The following XPO4 variants were observed in gnomAD, a reference collection of about 807,000 sequenced individuals.
The protein encoded by XPO4 is exportin 4.
A neutral mutation model predicts 143.0 loss-of-function variants in XPO4; 39 were observed. That is an observed-to-expected ratio of 0.27 (90% CI 0.21 to 0.36). The LOEUF (loss-of-function observed/expected upper bound fraction) is 0.36, where lower values mean the gene tolerates loss of function less well. XPO4 is among the 10% of genes least tolerant of loss of function. The pLI is 1.00. For missense variants in XPO4, 907 were observed against 1,348.0 expected (o/e 0.67, Z 5.12); for synonymous variants, 439 against 474.0 (o/e 0.93, Z 0.96).
chr13:20,783,562 C>G lies in XPO4; in HGVS notation c.*160G>C, dbSNP rs1026914578. ...ACAGCAGAAGCTGATGCCAAGTTGA[C>G]CTCTCCTGTTTCACTGTATTACATA... On this transcript the variant is annotated 3_prime_UTR_variant, in exon 23 of 23. Transcript: ENST00000255305. 1.9e-5 allele frequency: 13 copies of G among 671,070 alleles called. No individual in the cohort carries two copies. Among genetic ancestry groups the G allele is most frequent in the Admixed American group, 5.4e-5 (2 of 36,718 alleles). 41.6% of individuals were successfully genotyped at this position (671,070 alleles called of 1,614,324 possible). A position where few individuals can be genotyped will look rare whatever the true frequency, so the allele number is the denominator to read the frequency against.
At chr13:20,838,528 T>C (rs1016342761) in intron 6 of XPO4, among the ~76,000 whole-genome samples, 11 of 145,376 alleles carry the variant, frequency 7.6e-5, no homozygotes. Flanking sequence ...GAGAATGGCG[T>C]GAACCTGGGA....
chr13:20,850,091 G>A (rs2138083036), intron 4 of XPO4: 1 of 981,768 alleles, frequency 1.0e-6, no homozygotes, highest in East Asian at 1.1e-4. Flanking sequence ...GGGCGACAGA[G>A]CAAGACTCTG....
Position 20,787,565 on chromosome 13 carries a change from C to T in XPO4, c.3081G>A (p.Glu1027=), listed in dbSNP as rs1487396352. The T allele has an allele frequency of 1.9e-6, 3 of 1,614,216 alleles. No homozygotes were observed. Among genetic ancestry groups the T allele is most frequent in the Non-Finnish European group, 2.5e-6 (3 of 1,180,036 alleles). ...ACTGTTCAGCTAACGGTGTCAAGGC[C>T]TCCAGGCAAAGCTGGCAAACCTCCG... ...MSSEVCQLCL[E]ALTPLAEQCA... is the part of the protein sequence containing the mutation. The change falls in exon 21 of 23, where the codon GAG becomes GAA. Residue 1027 remains glutamate (E), a synonymous_variant. Coordinates refer to ENST00000255305, the MANE Select transcript of XPO4 (RefSeq NM_022459.5).
intron 4 of XPO4, chr13:20,852,625 TATA>T: frequency 8.4e-6 from 8 of 954,496 alleles, no homozygotes; most frequent in Non-Finnish European, 1.0e-5. Context: ...TATATTTGAT[TATA>T]ATATTTTATA....
chr13:20,811,680 C>A (rs749071176), intron 9 of XPO4, among the ~76,000 whole-genome samples: 1 of 152,148 alleles, frequency 6.6e-6, no homozygotes, highest in Non-Finnish European at 1.5e-5. Context: ...AGCAGCCAAA[C>A]TGGGTACAGA....
chr13:20,784,407 G>A (rs1048247630), intron 22 of XPO4, among the ~76,000 whole-genome samples: 1 of 152,220 alleles, frequency 6.6e-6, no homozygotes, highest in Non-Finnish European at 1.5e-5. Flanking sequence ...GAGTCTTTTG[G>A]GAGGACGGGG....
intron 17 of XPO4, among the ~76,000 whole-genome samples, 154 bp from the exon 18 acceptor site, chr13:20,796,410 T>C (rs1358908613): frequency 3.9e-5 from 6 of 152,106 alleles, no homozygotes; most frequent in African/African-American, 1.4e-4. Flanking sequence ...AGAAAGCATA[T>C]ATTAAGAGTA....
At chr13:20,814,091 T>A (rs2059617760) in intron 9 of XPO4, among the ~76,000 whole-genome samples, 1 of 151,772 alleles carries the variant, frequency 6.6e-6, no homozygotes, top group African/African-American at 2.4e-5. Flanking sequence ...TTTACAGCCA[T>A]CATTTGTTAA....
chr13:20,824,002 G>A (rs576861644), intron 7 of XPO4, among the ~76,000 whole-genome samples: 9 of 152,148 alleles, frequency 5.9e-5, no homozygotes, highest in African/African-American at 1.9e-4. Context: ...ACACCGCCGT[G>A]CTTATTTATG....
At chr13:20,852,784 G>A (rs1364564544) in intron 4 of XPO4, 1 of 984,928 alleles carries the variant, frequency 1.0e-6, no homozygotes, top group Non-Finnish European at 1.2e-6. Flanking sequence ...GCTTGACTGA[G>A]AGCCTTTTCA....
chr13:20,848,443 A>G (rs1330721983), intron 4 of XPO4: 3 of 985,264 alleles, frequency 3.0e-6, no homozygotes, highest in African/African-American at 1.7e-5. Flanking sequence ...TAATTTGCAT[A>G]ATTGTCCTAA....
intron 1 of XPO4, among the ~76,000 whole-genome samples, chr13:20,882,696 T>C (rs2138161894): frequency 6.6e-6 from 1 of 152,198 alleles, no homozygotes; most frequent in South Asian, 2.1e-4. Context: ...GGGACCAGCC[T>C]GGCCAACATG....
At chr13:20,813,850 C>T (rs2059614659) in intron 9 of XPO4, among the ~76,000 whole-genome samples, 1 of 151,584 alleles carries the variant, frequency 6.6e-6, no homozygotes, top group South Asian at 2.1e-4. Flanking sequence ...TCCACCTACT[C>T]AGGAGACTGA....
At chr13:20,860,061 C>A (rs1280009306) in intron 3 of XPO4, 4 of 153,408 alleles carry the variant, frequency 2.6e-5, no homozygotes. Flanking sequence ...ATGATGACAG[C>A]TGCAGCAGCC....
intron 2 of XPO4, chr13:20,863,160 A>T (rs1046441722): frequency 9.6e-5 from 98 of 1,024,068 alleles, no homozygotes; most frequent in Admixed American, 1.5e-4. Flanking sequence ...AATAAAAATA[A>T]AAATATAAAG....
intron 4 of XPO4, chr13:20,852,451 ATAATGCACAT>A (rs2060098503): frequency 1.0e-6 from 1 of 985,284 alleles, no homozygotes; most frequent in African/African-American, 1.7e-5. Flanking sequence ...CCAACATTGG[ATAATGCACAT>A]GGCCATTAGT....
intron 3 of XPO4, chr13:20,859,871 G>T (rs1390625391): frequency 2.0e-6 from 2 of 981,436 alleles, no homozygotes; most frequent in African/African-American, 1.8e-5. Flanking sequence ...TATACATAAT[G>T]AAAATTTGCT....
chr13:20,848,316 A>G (rs2060047717), intron 4 of XPO4: 1 of 985,448 alleles, frequency 1.0e-6, no homozygotes, highest in Non-Finnish European at 1.2e-6. Flanking sequence ...TCAGTTAGAA[A>G]ATCTGGGCTC....
In XPO4 at chr13:20,779,641, C is replaced by A. The variant is rs1333540657; in HGVS notation, c.*4081G>T. The A allele has an allele frequency of 6.6e-6, 1 of 152,644 alleles. No homozygotes were observed. The highest frequency in any genetic ancestry group is 1.5e-5 in the Non-Finnish European group (1 of 68,042). 9.5% of individuals were successfully genotyped at this position (152,644 alleles called of 1,614,324 possible). On this transcript the variant is annotated 3_prime_UTR_variant, in exon 23 of 23. Coordinates refer to ENST00000255305, the MANE Select transcript of XPO4 (RefSeq NM_022459.5). ...AGGAGGGAATCGCCACGGCCGACTT[C>A]AGCATTCTCGTCTTTACTAAGACTT... is the stretch of plus-strand genomic sequence containing the variant.
Sources: gnomAD v4.1 joint callset for allele counts (sites outside exome capture counted in the v4.1 genomes callset) on GRCh38, gnomAD v4.1.1 for gene constraint, MANE v1.5 for transcripts, NCBI Gene and HGNC (gene_info 2026-07-23, HGNC 2026-07-21) for gene names.